The following TBC1D23 variants were observed in gnomAD, a reference collection of about 807,000 sequenced individuals.
TBC1D23 encodes HCV non-structural protein 4A-transactivated protein 1.
Under a neutral mutation model 91.4 loss-of-function variants are expected in TBC1D23, and 55 were observed. The ratio of observed to expected loss-of-function variants is 0.60; its 90% CI spans 0.48 to 0.75. TBC1D23 has a LOEUF of 0.75. Among genes scored for constraint, TBC1D23 ranks in the 30% least tolerant of loss-of-function variants. TBC1D23 has a pLI of 0.00. For synonymous variants in TBC1D23, 289 were observed against 281.0 expected, an observed-to-expected ratio of 1.03 and a Z score of -0.28; for missense variants, 725 against 836.1, an observed-to-expected ratio of 0.87 and a Z score of 1.64.
intron 1 of TBC1D23, among the ~76,000 whole-genome samples, chr3:100,272,807 G>C (rs929888040): frequency 5.9e-5 from 9 of 152,248 alleles, no homozygotes; most frequent in Non-Finnish European, 7.3e-5. Flanking sequence ...CTGTGCTTTA[G>C]ATATGCATAC....
chr3:100,292,247 T>A (rs2067798086), intron 5 of TBC1D23, among the ~76,000 whole-genome samples: 1 of 152,216 alleles, frequency 6.6e-6, no homozygotes, highest in Non-Finnish European at 1.5e-5. Context: ...CAGACCACAC[T>A]TCTGGTTAAC....
At chr3:100,271,423 A>G (rs2067598284) in intron 1 of TBC1D23, among the ~76,000 whole-genome samples, 1 of 152,186 alleles carries the variant, frequency 6.6e-6, no homozygotes, top group Admixed American at 6.5e-5. Flanking sequence ...CAGTAGAGAA[A>G]GAAGTGGAAA....
At position 100,274,777 on chromosome 3, in the gene TBC1D23, ATATT is replaced by A. The variant is rs201316944; in HGVS notation, c.54-4871_54-4868del. Reference sequence around the variant, plus strand: ...GTCCATTATATATTATATATAATATATATTCTATAATATGTAATTAACTTATTAA... The same window carrying A: ...GTCCATTATATATTATATATAATATACTATAATATGTAATTAACTTATTAA... On this transcript the variant is annotated intron_variant, in intron 1 of 18. Coordinates refer to ENST00000394144, the MANE Select transcript of TBC1D23 (RefSeq NM_001199198.3). Among the ~76,000 whole-genome samples the A allele has an allele frequency of 6.1e-5, 9 of 148,260 alleles. No homozygotes were observed. In the East Asian group the frequency reaches 1.8e-3, roughly 29 times the overall value.
chr3:100,308,303 G>A lies in TBC1D23; in HGVS notation c.1413+1760G>A, dbSNP rs145565299. Reference sequence around the variant, plus strand: ...ATCCTGGATAACACGGTGAAACCCCGTCTCTACTAAAAATACAAAAAAATA... The same window carrying A: ...ATCCTGGATAACACGGTGAAACCCCATCTCTACTAAAAATACAAAAAAATA... On this transcript the variant is annotated intron_variant, in intron 13 of 18. Transcript: ENST00000394144. Among the ~76,000 whole-genome samples, 1,037 of 152,042 alleles carry A rather than the reference G, an allele frequency of 6.8e-3. 16 individuals are homozygous for A. The highest frequency in any genetic ancestry group is 0.024 in the African/African-American group (994 of 41,450).
intron 1 of TBC1D23, among the ~76,000 whole-genome samples, chr3:100,274,638 T>C (rs2067629689): frequency 6.6e-6 from 1 of 151,702 alleles, no homozygotes; most frequent in Non-Finnish European, 1.5e-5. Context: ...ATAAGTGGCA[T>C]TGTATAGTAT....
In TBC1D23 at chr3:100,279,685, T is replaced by C; in HGVS notation, c.90T>C (p.Gly30=). The C allele has an allele frequency of 6.2e-7, 1 of 1,608,304 alleles. No homozygotes were observed. The part of the protein sequence containing the change: ...KDLEEALEAG[G]CDLETLRNII... ...TTGAAGAAGCTCTGGAAGCAGGAGGTTGTGATCTTGAAACGTTGAGAAATA... is the reference window on the plus strand; with the variant it reads ...TTGAAGAAGCTCTGGAAGCAGGAGGCTGTGATCTTGAAACGTTGAGAAATA... The change falls in exon 2 of 19, where the codon GGT becomes GGC. Residue 30 remains glycine, a synonymous_variant. Transcript: ENST00000394144.
rs1359451677 is a variant in TBC1D23, at chr3:100,324,527, G to C, written c.*859G>C. On this transcript the variant is annotated 3_prime_UTR_variant, in exon 19 of 19. Transcript: ENST00000394144. ...TTGAGGATTATGGTCTGTGACCACA[G>C]TAATATCCACTTATATAAATGCCAA... 3 of 152,174 alleles carry C rather than the reference G, an allele frequency of 2.0e-5. No homozygotes were observed. Among genetic ancestry groups the C allele is most frequent in the Non-Finnish European group, 4.4e-5 (3 of 68,014 alleles). 9.4% of individuals were successfully genotyped at this position (152,174 alleles called of 1,614,324 possible). A position where few individuals can be genotyped will look rare whatever the true frequency, so the allele number is the denominator to read the frequency against.
At chr3:100,294,461 A>G (rs1028151167) in intron 5 of TBC1D23, among the ~76,000 whole-genome samples, 7 of 151,958 alleles carry the variant, frequency 4.6e-5, no homozygotes, top group Admixed American at 1.3e-4. Context: ...GGGTTTCACT[A>G]TGTTGGCCAG....
chr3:100,289,759 T>C (rs1486269567), intron 4 of TBC1D23, among the ~76,000 whole-genome samples: 1 of 152,204 alleles, frequency 6.6e-6, no homozygotes, highest in Non-Finnish European at 1.5e-5. Context: ...TAATTATTTC[T>C]AACTTTTATT....
Position 100,283,787 on chromosome 3 carries a change from C to A in TBC1D23, c.452C>A (p.Ala151Asp). 6.2e-7 allele frequency: 1 copy of A among 1,609,134 alleles called. No homozygotes were observed. Among genetic ancestry groups the A allele is most frequent in the Non-Finnish European group, 8.5e-7 (1 of 1,175,604 alleles). ...AGCGATTTATACAACTGCTTTTATG[C>A]CATAATGAATAAGTACATTCCCAGG... Reference protein sequence around the residue: ...PRSDLYNCFYAIMNKYIPRDC... With the variant: ...PRSDLYNCFYDIMNKYIPRDC... Residue 151 changes from alanine (A) to aspartate (D), a missense_variant, in exon 4 of 19, where the codon GCC (alanine) becomes GAC (aspartate). Physicochemically the swap from Ala to Asp is moderately radical, Grantham distance 126. Coordinates refer to ENST00000394144, the MANE Select transcript of TBC1D23 (RefSeq NM_001199198.3).
intron 5 of TBC1D23, among the ~76,000 whole-genome samples, chr3:100,291,632 A>T (rs1460815470): frequency 6.6e-6 from 1 of 151,842 alleles, no homozygotes; most frequent in Admixed American, 6.6e-5. Flanking sequence ...AATTTATTTA[A>T]AAGTAATTAT....
chr3:100,302,550 T>C (rs541628519), intron 11 of TBC1D23, among the ~76,000 whole-genome samples: 8 of 152,316 alleles, frequency 5.3e-5, no homozygotes, highest in Non-Finnish European at 1.2e-4. Flanking sequence ...GATCTATTTC[T>C]GGATTATTAT....
chr3:100,305,304 A>C (rs745738518), intron 12 of TBC1D23, among the ~76,000 whole-genome samples: 9 of 152,164 alleles, frequency 5.9e-5, no homozygotes, highest in Non-Finnish European at 1.2e-4. Flanking sequence ...TGTTTAAAAA[A>C]TGTTAGCTAA....
intron 17 of TBC1D23, among the ~76,000 whole-genome samples, chr3:100,320,490 AAAAT>A: frequency 6.6e-6 from 1 of 152,210 alleles, no homozygotes; most frequent in East Asian, 1.9e-4. Flanking sequence ...ATTTCAATAA[AAAAT>A]ATATTATTGT....
chr3:100,282,911 T>C (rs1339321107), intron 3 of TBC1D23, among the ~76,000 whole-genome samples: 2 of 152,236 alleles, frequency 1.3e-5, no homozygotes, highest in Non-Finnish European at 2.9e-5. Context: ...GTTTGACATA[T>C]ATATAGATCA....
intron 14 of TBC1D23, among the ~76,000 whole-genome samples, chr3:100,311,370 G>A (rs1705620705): frequency 1.3e-5 from 2 of 152,148 alleles, no homozygotes; most frequent in African/African-American, 4.8e-5. Flanking sequence ...TCTGCATTTA[G>A]TAAATAGCCG....
chr3:100,265,861 G>A (rs576093768), intron 1 of TBC1D23, among the ~76,000 whole-genome samples: 5 of 152,106 alleles, frequency 3.3e-5, no homozygotes, highest in Non-Finnish European at 7.4e-5. Context: ...GGAATTGTTT[G>A]AGAATAATAT....
At chr3:100,264,567 CTT>C (rs2067543141) in intron 1 of TBC1D23, among the ~76,000 whole-genome samples, 1 of 152,234 alleles carries the variant, frequency 6.6e-6, no homozygotes, top group Admixed American at 6.5e-5. Context: ...TGTGGTGAGA[CTT>C]TTAGGGCCTA....
chr3:100,273,672 A>G (rs2067621628), intron 1 of TBC1D23, among the ~76,000 whole-genome samples: 1 of 152,198 alleles, frequency 6.6e-6, no homozygotes, highest in Non-Finnish European at 1.5e-5. Flanking sequence ...AAGAACAGAC[A>G]CATAGACCAG....
Sources: allele counts gnomAD v4.1 joint callset (sites outside exome capture counted in the v4.1 genomes callset), GRCh38; gene constraint gnomAD v4.1.1; transcripts MANE v1.5; gene names NCBI Gene and HGNC (gene_info 2026-07-23, HGNC 2026-07-21).